ITGA8: variants seen among roughly 807,000 people sequenced by gnomAD.
The protein encoded by ITGA8 is integrin alpha-8.
ITGA8 carries 91 observed loss-of-function variants against 142.3 expected under a neutral mutation model. That is an observed-to-expected ratio of 0.64 (90% CI 0.54 to 0.76). The LOEUF (loss-of-function observed/expected upper bound fraction) is 0.76, where lower values mean the gene tolerates loss of function less well. ITGA8 is among the 30% of genes least tolerant of loss of function. The pLI is 0.00. For missense variants in ITGA8, 1,406 were observed against 1,327.7 expected, an observed-to-expected ratio of 1.06 and a Z score of -0.92; for synonymous variants, 505 against 485.2, an observed-to-expected ratio of 1.04 and a Z score of -0.54.
chr10:15,671,718 G>T (rs1414193081), intron 7 of ITGA8, 71 bp from the exon 8 acceptor site: 10 of 1,184,128 alleles, frequency 8.4e-6, no homozygotes, highest in East Asian at 2.4e-5. Context: ...TCTAGAAAAA[G>T]GTGAAAGGGC....
chr10:15,640,879 G>A (rs887126869), intron 13 of ITGA8, among the ~76,000 whole-genome samples: 11 of 152,148 alleles, frequency 7.2e-5, no homozygotes, highest in Non-Finnish European at 1.6e-4. Context: ...ACAATGGAAC[G>A]AGCCACAGAA....
chr10:15,717,460 C>T (rs1319151756), intron 2 of ITGA8, among the ~76,000 whole-genome samples: 1 of 152,128 alleles, frequency 6.6e-6, no homozygotes, highest in Non-Finnish European at 1.5e-5. Context: ...TAGAAAGTGT[C>T]TCAAGTCTTG....
intron 10 of ITGA8, 42 bp downstream of exon 10, chr10:15,658,957 A>C: frequency 8.0e-7 from 1 of 1,255,944 alleles, no homozygotes; most frequent in Non-Finnish European, 1.2e-6. Flanking sequence ...TCTACTGGTA[A>C]CCCAGAGTGA....
At chr10:15,644,495 A>T (rs1156622319) in intron 12 of ITGA8, among the ~76,000 whole-genome samples, 31 of 44,862 alleles carry the variant, frequency 6.9e-4, no homozygotes, top group African/African-American at 1.8e-3. Flanking sequence ...TATATATAGA[A>T]TTTTTTTTTT....
chr10:15,676,488 G>C (rs762006911), intron 6 of ITGA8, among the ~76,000 whole-genome samples: 1 of 152,022 alleles, frequency 6.6e-6, no homozygotes, highest in Admixed American at 6.6e-5. Flanking sequence ...ACATGCCTTT[G>C]CTTCGGATTG....
chr10:15,589,442 A>G (rs2131594555), intron 22 of ITGA8, among the ~76,000 whole-genome samples: 1 of 152,162 alleles, frequency 6.6e-6, no homozygotes, highest in South Asian at 2.1e-4. Flanking sequence ...GCATGGAGAG[A>G]CCGCTTAATG....
rs148400120 is a variant in ITGA8 at position 15,671,527 on chromosome 10, A to C, written c.847+76T>G. 20 of 1,205,142 alleles carry C rather than the reference A, an allele frequency of 1.7e-5. No homozygotes were observed. The Admixed American group carries it at 3.4e-4, about 21-fold the overall frequency. The allele number at this position is 1,205,142 out of a possible 1,614,324, so 74.7% of individuals were successfully genotyped here. A position where few individuals can be genotyped will look rare whatever the true frequency, so the allele number is the denominator to read the frequency against. On this transcript the variant is annotated intron_variant, in intron 8 of 29. Coordinates refer to ENST00000378076, the MANE Select transcript of ITGA8 (RefSeq NM_003638.3). ...TGGTATAGCAAATAAAATCACATTG[A>C]TAGAAAAAACTTTATATGCCATTTT...
chr10:15,711,960 C>T (rs1161007804), intron 2 of ITGA8, among the ~76,000 whole-genome samples: 1 of 152,142 alleles, frequency 6.6e-6, no homozygotes, highest in Non-Finnish European at 1.5e-5. Context: ...AAGAGTTGCT[C>T]ACCTGAATTC....
intron 13 of ITGA8, among the ~76,000 whole-genome samples, chr10:15,643,306 G>A (rs918991899): frequency 1.3e-5 from 2 of 152,080 alleles, no homozygotes; most frequent in African/African-American, 4.8e-5. Flanking sequence ...TTTTGAGACA[G>A]TCTCACTCTG....
intron 23 of ITGA8, among the ~76,000 whole-genome samples, 191 bp downstream of exon 23, chr10:15,586,393 A>G (rs1832833556): frequency 1.3e-5 from 2 of 151,988 alleles, no homozygotes; most frequent in Non-Finnish European, 2.9e-5. Flanking sequence ...TCTTGGAGTT[A>G]ATTGTTATTT....
chr10:15,703,536 A>G (rs1835203343), intron 2 of ITGA8, among the ~76,000 whole-genome samples: 1 of 152,246 alleles, frequency 6.6e-6, no homozygotes, highest in African/African-American at 2.4e-5. Flanking sequence ...TGAAAGAATT[A>G]TCTCTTCCAA....
At position 15,616,570 on chromosome 10, in the gene ITGA8, C is replaced by CA; in HGVS notation, c.1400-12dup. On this transcript the variant is annotated splice_polypyrimidine_tract_variant and intron_variant, in intron 13 of 29. Transcript: ENST00000378076. ...CACCCACAATCAAATCTTAAAAAGACAAAAACACAGAACACATGCGTGAAT... is the reference window on the plus strand; with the variant it reads ...CACCCACAATCAAATCTTAAAAAGACAAAAAACACAGAACACATGCGTGAAT... 1 of 1,610,296 alleles carries CA rather than the reference C, an allele frequency of 6.2e-7. No individual in the cohort carries two copies. Among genetic ancestry groups the CA allele is most frequent in the Non-Finnish European group, 8.5e-7 (1 of 1,177,912 alleles).
chr10:15,534,165 C>A (rs1833370061), intron 27 of ITGA8, among the ~76,000 whole-genome samples: 1 of 152,156 alleles, frequency 6.6e-6, no homozygotes. Flanking sequence ...CTGCCTCAGC[C>A]TCCCAAAGTG....
chr10:15,706,272 T>C (rs1036413498), intron 2 of ITGA8, among the ~76,000 whole-genome samples: 2 of 152,106 alleles, frequency 1.3e-5, no homozygotes, highest in Admixed American at 1.3e-4. Context: ...AACCTACTAA[T>C]TGCATTTCCA....
At chr10:15,539,444 A>T (rs1833523639) in intron 27 of ITGA8, among the ~76,000 whole-genome samples, 1 of 152,174 alleles carries the variant, frequency 6.6e-6, no homozygotes, top group Non-Finnish European at 1.5e-5. Context: ...CTACTCAGAC[A>T]TTTGACACTA....
In ITGA8 at chr10:15,719,547, G is replaced by C. The variant is rs768132643; in HGVS notation, c.209+16C>G. ...CCTTCGTCCCCGCGCGCACCTCCCC[G>C]GGTCGGGCGACTTACGTGCGGGCGT... On this transcript the variant is annotated intron_variant, in intron 1 of 29. Coordinates refer to ENST00000378076, the MANE Select transcript of ITGA8 (RefSeq NM_003638.3). The C allele has an allele frequency of 1.9e-6, 3 of 1,543,740 alleles. No individual in the cohort carries two copies. Among genetic ancestry groups the C allele is most frequent in the South Asian group, 2.4e-5 (2 of 82,316 alleles).
chr10:15,544,106 G>A (rs1833624688), intron 27 of ITGA8, among the ~76,000 whole-genome samples: 1 of 151,924 alleles, frequency 6.6e-6, no homozygotes, highest in South Asian at 2.1e-4. Context: ...ACCAGCCTAA[G>A]CAACATAGCA....
chr10:15,604,249 G>C lies in ITGA8; in HGVS notation c.2077C>G (p.Pro693Ala), dbSNP rs935296624. The C allele has an allele frequency of 6.2e-7, 1 of 1,613,188 alleles. No homozygotes were observed. The highest frequency in any genetic ancestry group is 1.7e-5 in the Admixed American group (1 of 59,914). ...AYEAELFVMI[P>A]EEADYVGIER... ...ATTCCAACATAATCTGCCTCTTCTG[G>C]TATCATTACAAAGAGTTCAGCTTCA... The change falls in exon 20 of 30, where the codon CCA becomes GCA. Residue 693 changes from proline to alanine, a missense_variant. Coordinates refer to ENST00000378076, the MANE Select transcript of ITGA8 (RefSeq NM_003638.3).
intron 23 of ITGA8, 51 bp from the exon 24 acceptor site, chr10:15,575,645 T>G: frequency 7.1e-7 from 1 of 1,417,244 alleles, no homozygotes; most frequent in South Asian, 1.1e-5. Flanking sequence ...AGGTAAAGAA[T>G]GTTTTACTAG....
Sources: allele counts gnomAD v4.1 joint callset (sites outside exome capture counted in the v4.1 genomes callset), GRCh38; gene constraint gnomAD v4.1.1; transcripts MANE v1.5; gene names NCBI Gene and HGNC (gene_info 2026-07-23, HGNC 2026-07-21).